FOCAD: variants seen among roughly 807,000 people sequenced by gnomAD.
The protein encoded by FOCAD is KIAA1797.
FOCAD carries 198 observed loss-of-function variants against 225.6 expected under a neutral mutation model. That is an observed-to-expected ratio of 0.88 (90% CI 0.78 to 0.99). The LOEUF is 0.99. FOCAD is among the 50% of genes least tolerant of loss of function. The pLI is 0.00. For missense variants in FOCAD, 2,713 were observed against 2,123.6 expected (o/e 1.28, Z -5.46); for synonymous variants, 897 against 755.0 (o/e 1.19, Z -3.08).
At chr9:20,900,893 G>A (rs1564129498) in intron 21 of FOCAD, among the ~76,000 whole-genome samples, 1 of 151,866 alleles carries the variant, frequency 6.6e-6, no homozygotes, top group Non-Finnish European at 1.5e-5. Context: ...GGAGAGGTAG[G>A]AGAGAAGGAG....
intron 19 of FOCAD, among the ~76,000 whole-genome samples, chr9:20,876,124 A>T (rs2131804730): frequency 6.6e-6 from 1 of 152,228 alleles, no homozygotes; most frequent in South Asian, 2.1e-4. Flanking sequence ...ATTAGAGAAA[A>T]CTGAATGGCC....
At position 20,933,088 on chromosome 9, in the gene FOCAD, C is replaced by G. The variant is rs765823878; in HGVS notation, c.3392C>G (p.Thr1131Ser). Residue 1131 changes from threonine (T) to serine (S), a missense_variant, in exon 28 of 44, where the codon ACT becomes AGT. Coordinates refer to ENST00000338382, the MANE Select transcript of FOCAD (RefSeq NM_001375567.1). ...GCCCTGGAAAATTGCTGCTTTGACA[C>G]TAGTCTTGAATACAAGTATGTTGTT... ...LDALENCCFD[T>S]SLEYNTGCIL... is the part of the protein sequence containing the mutation. 6.2e-7 allele frequency: 1 copy of G among 1,613,410 alleles called. No individual in the cohort carries two copies. The highest frequency in any genetic ancestry group is 1.1e-5 in the South Asian group (1 of 91,070).
At chr9:20,812,719 G>C (rs1241900649) in intron 11 of FOCAD, among the ~76,000 whole-genome samples, 4 of 152,062 alleles carry the variant, frequency 2.6e-5, no homozygotes, top group Non-Finnish European at 4.4e-5. Flanking sequence ...AGTGAACTGA[G>C]ACATAAACTC....
chr9:20,805,086 C>G (rs990204550), intron 11 of FOCAD, among the ~76,000 whole-genome samples: 1 of 152,098 alleles, frequency 6.6e-6, no homozygotes. Context: ...GCCCAGACAC[C>G]AGGGTGGTTG....
At chr9:20,718,661 G>C (rs906342193) in intron 3 of FOCAD, among the ~76,000 whole-genome samples, 2 of 152,164 alleles carry the variant, frequency 1.3e-5, no homozygotes, top group Non-Finnish European at 2.9e-5. Flanking sequence ...TTTGTATGTA[G>C]TCATATAAAT....
At chr9:20,922,728 G>T (rs553518015) in intron 24 of FOCAD, among the ~76,000 whole-genome samples, 2 of 152,164 alleles carry the variant, frequency 1.3e-5, no homozygotes, top group Non-Finnish European at 2.9e-5. Flanking sequence ...GGGGAACATT[G>T]TATTTATGGG....
intron 11 of FOCAD, among the ~76,000 whole-genome samples, chr9:20,800,247 GTAT>G (rs1375006534): frequency 2.6e-5 from 4 of 152,106 alleles, no homozygotes; most frequent in Non-Finnish European, 5.9e-5. Flanking sequence ...CCCTTTGTGG[GTAT>G]CCCGACCTTT....
chr9:20,918,328 T>C (rs1258370321), intron 24 of FOCAD, among the ~76,000 whole-genome samples: 2 of 152,218 alleles, frequency 1.3e-5, no homozygotes, highest in African/African-American at 4.8e-5. Context: ...GTGACTGTAA[T>C]TTTCATATTC....
At chr9:20,713,646 G>C (rs1434187380) in intron 1 of FOCAD, among the ~76,000 whole-genome samples, 1 of 152,158 alleles carries the variant, frequency 6.6e-6, no homozygotes, top group Non-Finnish European at 1.5e-5. Flanking sequence ...TTTGTTCACT[G>C]ATATAACTCA....
chr9:20,701,850 C>T (rs968713817), intron 1 of FOCAD, among the ~76,000 whole-genome samples: 1 of 152,166 alleles, frequency 6.6e-6, no homozygotes, highest in African/African-American at 2.4e-5. Context: ...AGATACAAAG[C>T]TGTTTGCATA....
chr9:20,947,953 A>G (rs1476891968), intron 30 of FOCAD, among the ~76,000 whole-genome samples: 1 of 152,082 alleles, frequency 6.6e-6, no homozygotes, highest in African/African-American at 2.4e-5. Context: ...TGTGTGGTCT[A>G]CCTTGGTTTT....
At chr9:20,760,667 T>G (rs1829508226) in intron 6 of FOCAD, among the ~76,000 whole-genome samples, 1 of 152,190 alleles carries the variant, frequency 6.6e-6, no homozygotes, top group Non-Finnish European at 1.5e-5. Context: ...ATTAGGTGTG[T>G]CTCTTGCATG....
chr9:20,994,383 G>C lies in FOCAD; in HGVS notation c.5332+1055G>C, dbSNP rs75352482. On this transcript the variant is annotated intron_variant, in intron 43 of 43. Coordinates refer to ENST00000338382, the MANE Select transcript of FOCAD (RefSeq NM_001375567.1). Reference sequence around the variant, plus strand: ...GTCCTTCATGTCTGGTGATCTGGGGGTCTGGAGCCTGCCAGCAGCTGCCAC... The same window carrying C: ...GTCCTTCATGTCTGGTGATCTGGGGCTCTGGAGCCTGCCAGCAGCTGCCAC... 6.7e-3 allele frequency among the ~76,000 whole-genome samples: 1,020 copies of C among 152,314 alleles called. 14 individuals carry two copies. The highest frequency in any genetic ancestry group is 0.023 in the African/African-American group (963 of 41,566).
At chr9:20,812,118 T>G (rs1823142173) in intron 11 of FOCAD, among the ~76,000 whole-genome samples, 1 of 152,046 alleles carries the variant, frequency 6.6e-6, no homozygotes, top group Admixed American at 6.6e-5. Flanking sequence ...AAGAATACAC[T>G]TTTGTAATTC....
chr9:20,823,065 A>G lies in FOCAD; in HGVS notation c.1870A>G (p.Thr624Ala). Residue 624 changes from threonine to alanine, a missense_variant, in exon 15 of 44, where the codon ACT (threonine) becomes GCT (alanine). Thr to Ala is a moderately conservative substitution (Grantham distance 58, BLOSUM62 0). Transcript: ENST00000338382. ...LNECTKPDQA[T>A]PAALVLQGLH... Reference sequence around the variant, plus strand: ...TGAATGCACCAAGCCTGATCAAGCTACTCCAGCAGCCTTGGTATTACAGGG... The same window carrying G: ...TGAATGCACCAAGCCTGATCAAGCTGCTCCAGCAGCCTTGGTATTACAGGG... The G allele has an allele frequency of 6.2e-7, 1 of 1,609,494 alleles. No homozygotes were observed. Among genetic ancestry groups the G allele is most frequent in the Non-Finnish European group, 8.5e-7 (1 of 1,178,102 alleles).
chr9:20,856,031 GA>G (rs1383619510), intron 15 of FOCAD, among the ~76,000 whole-genome samples: 1 of 151,760 alleles, frequency 6.6e-6, no homozygotes, highest in Non-Finnish European at 1.5e-5. Flanking sequence ...TGGCTATTGT[GA>G]ATAGTGCTGC....
chr9:20,868,079 A>G (rs1172828394), intron 18 of FOCAD, among the ~76,000 whole-genome samples: 3 of 152,148 alleles, frequency 2.0e-5, no homozygotes, highest in African/African-American at 7.2e-5. Flanking sequence ...GGGAAAACTT[A>G]GGTAAAGATG....
At chr9:20,921,068 A>G (rs146297513) in intron 24 of FOCAD, among the ~76,000 whole-genome samples, 4,094 of 152,136 alleles carry the variant, frequency 0.027, 64 homozygotes, top group Middle Eastern at 0.051. Context: ...CAAAAAAATA[A>G]AAAAGAACAT....
intron 19 of FOCAD, among the ~76,000 whole-genome samples, chr9:20,878,073 T>C (rs570537804): frequency 1.3e-4 from 20 of 152,286 alleles, no homozygotes; most frequent in African/African-American, 4.8e-4. Flanking sequence ...TACACAATAC[T>C]TACACACAAA....
Sources: allele counts gnomAD v4.1 joint callset (sites outside exome capture counted in the v4.1 genomes callset), GRCh38; gene constraint gnomAD v4.1.1; transcripts MANE v1.5; gene names NCBI Gene and HGNC (gene_info 2026-07-23, HGNC 2026-07-21).